The following AKAP7 variants were observed in gnomAD, a reference collection of about 807,000 sequenced individuals.
AKAP7 encodes A-kinase anchoring protein 7.
AKAP7 carries 39 observed loss-of-function variants against 39.5 expected under a neutral mutation model. The ratio of observed to expected loss-of-function variants is 0.99; its 90% CI spans 0.76 to 1.29. The LOEUF (loss-of-function observed/expected upper bound fraction) is 1.29. AKAP7 is among the 50% of genes most tolerant of loss of function. The probability of loss-of-function intolerance (pLI) is 0.00; values close to 1 mark genes in which losing one functional copy is unlikely to be tolerated. For synonymous variants in AKAP7, 140 were observed against 139.1 expected, an observed-to-expected ratio of 1.01 and a Z score of -0.05; for missense variants, 414 against 407.7, an observed-to-expected ratio of 1.02 and a Z score of -0.13.
intron 7 of AKAP7, among the ~76,000 whole-genome samples, chr6:131,265,178 A>G (rs1050659814): frequency 6.6e-6 from 1 of 152,188 alleles, no homozygotes; most frequent in Non-Finnish European, 1.5e-5. Context: ...TCTGTTGCCC[A>G]GGATGGGGTG....
At chr6:131,151,381 G>GT (rs111997888) in intron 2 of AKAP7, among the ~76,000 whole-genome samples, 11,139 of 143,608 alleles carry the variant, frequency 0.078, 707 homozygotes, top group African/African-American at 0.18. Context: ...AGAAGGTAAG[G>GT]TTTTTTTTTT....
At chr6:131,261,181 C>T (rs1004370247) in intron 7 of AKAP7, among the ~76,000 whole-genome samples, 1 of 146,746 alleles carries the variant, frequency 6.8e-6, no homozygotes, top group Non-Finnish European at 1.5e-5. Context: ...CGAATGCAGC[C>T]TGGGCAACAA....
At chr6:131,261,398 A>G (rs1039555879) in intron 7 of AKAP7, among the ~76,000 whole-genome samples, 1 of 152,160 alleles carries the variant, frequency 6.6e-6, no homozygotes, top group African/African-American at 2.4e-5. Flanking sequence ...TAGAGATAAT[A>G]AACTAAGGTG....
intron 1 of AKAP7, chr6:131,137,286 G>A (rs1003820340): frequency 6.6e-6 from 1 of 151,950 alleles, no homozygotes; most frequent in African/African-American, 2.4e-5. Context: ...AGAGTGATGA[G>A]AGACTTACTT....
At chr6:131,265,421 A>T (rs1014068574) in intron 7 of AKAP7, among the ~76,000 whole-genome samples, 1 of 152,090 alleles carries the variant, frequency 6.6e-6, no homozygotes, top group African/African-American at 2.4e-5. Context: ...AGGCAGCTTT[A>T]TATGATTTTC....
intron 2 of AKAP7, among the ~76,000 whole-genome samples, chr6:131,153,374 T>C (rs1231344464): frequency 1.3e-5 from 2 of 152,192 alleles, no homozygotes; most frequent in East Asian, 3.8e-4. Context: ...AAATAGTTAT[T>C]GGTAAAATTA....
At chr6:131,257,018 TCA>T (rs1344065249) in intron 7 of AKAP7, among the ~76,000 whole-genome samples, 1 of 152,160 alleles carries the variant, frequency 6.6e-6, no homozygotes, top group Non-Finnish European at 1.5e-5. Flanking sequence ...ACAAAATGGC[TCA>T]GTTTGCACTT....
At chr6:131,203,918 C>A (rs541132079) in intron 6 of AKAP7, among the ~76,000 whole-genome samples, 1 of 152,198 alleles carries the variant, frequency 6.6e-6, no homozygotes, top group Non-Finnish European at 1.5e-5. Flanking sequence ...AGAACCAATT[C>A]TTTGAAGTGG....
rs1477756098 is a variant in AKAP7 at position 131,160,051 on chromosome 6, T to C, written c.152-8T>C. The C allele has an allele frequency of 1.3e-6, 2 of 1,571,706 alleles. No individual in the cohort carries two copies. Among genetic ancestry groups the C allele is most frequent in the East Asian group, 4.5e-5 (2 of 44,318 alleles). Reference sequence around the variant, plus strand: ...TATTAGACGTATTGTTTGACTTTTTTCCTCTAGTCACTGATGAACCTCAAA... The same window carrying C: ...TATTAGACGTATTGTTTGACTTTTTCCCTCTAGTCACTGATGAACCTCAAA... On this transcript the variant is annotated splice_region_variant and splice_polypyrimidine_tract_variant and intron_variant, in intron 2 of 7. Transcript: ENST00000431975.
chr6:131,235,792 A>G (rs1026766163), intron 7 of AKAP7, among the ~76,000 whole-genome samples: 17 of 152,148 alleles, frequency 1.1e-4, no homozygotes, highest in Admixed American at 7.2e-4. Flanking sequence ...TGAGTTCATT[A>G]TAGATTCTGG....
At chr6:131,133,818 C>G (rs939751799), upstream of AKAP7, among the ~76,000 whole-genome samples, 7 of 152,190 alleles carry the variant, frequency 4.6e-5, no homozygotes, top group Non-Finnish European at 1.0e-4. Flanking sequence ...GCTTCTATAC[C>G]ATTTTAACGA....
At chr6:131,241,889 G>A (rs1585160037) in intron 7 of AKAP7, among the ~76,000 whole-genome samples, 1 of 152,178 alleles carries the variant, frequency 6.6e-6, no homozygotes, top group East Asian at 1.9e-4. Context: ...AACATCAGTA[G>A]CCTAAAAATG....
At chr6:131,247,587 T>G (rs1399205417) in intron 7 of AKAP7, among the ~76,000 whole-genome samples, 1 of 151,994 alleles carries the variant, frequency 6.6e-6, no homozygotes, top group South Asian at 2.1e-4. Flanking sequence ...CCTGAAGTGC[T>G]GGGATTACAG....
intron 7 of AKAP7, among the ~76,000 whole-genome samples, chr6:131,241,152 C>G (rs1811520395): frequency 6.6e-6 from 1 of 152,144 alleles, no homozygotes; most frequent in Admixed American, 6.5e-5. Flanking sequence ...AGAAAAGACA[C>G]TCTGCTGGTA....
intron 1 of AKAP7, among the ~76,000 whole-genome samples, chr6:131,139,266 C>CT (rs959573862): frequency 5.9e-5 from 9 of 151,770 alleles, no homozygotes; most frequent in Non-Finnish European, 7.4e-5. Context: ...AGTGGCACTC[C>CT]TTTTTTTTGA....
At chr6:131,169,295 A>G (rs1223947752) in intron 5 of AKAP7, 22 bp downstream of exon 5, 4 of 1,610,036 alleles carry the variant, frequency 2.5e-6, no homozygotes, top group Middle Eastern at 3.3e-4. Context: ...ACACACTCAT[A>G]TGAAATCTTG....
rs915429300 is a variant in AKAP7, at chr6:131,184,313, G to GA, written c.589+15040_589+15041insA. ...AGCCTTAGATATGTCGGGGAGCAGG[G>GA]GGGTGGCTATATCAAGAGGAGTTCT... On this transcript the variant is annotated intron_variant, in intron 5 of 7. Transcript: ENST00000431975. The GA allele has an allele frequency of 1.0e-3, 620 of 614,260 alleles. 1 individual carries two copies. Among genetic ancestry groups the GA allele is most frequent in the Non-Finnish European group, 1.2e-3 (369 of 316,010 alleles). The allele number at this position is 614,260 out of a possible 1,614,324, so 38.1% of individuals were successfully genotyped here.
chr6:131,158,617 G>C (rs763942162), intron 2 of AKAP7, among the ~76,000 whole-genome samples: 1 of 151,788 alleles, frequency 6.6e-6, no homozygotes, highest in Admixed American at 6.6e-5. Flanking sequence ...AAGCGATTTT[G>C]TGCCTCATCC....
rs1295125945 is a variant in AKAP7 at position 131,237,560 on chromosome 6, A to G, written c.850+17752A>G. The stretch of plus-strand genomic sequence containing the variant: ...CTGGACTTTTTTTGGTTGGTAAGCT[A>G]TTAATTATTGCCTCAATTTCAGAGC... On this transcript the variant is annotated intron_variant, in intron 7 of 7. Coordinates refer to ENST00000431975, the MANE Select transcript of AKAP7 (RefSeq NM_016377.4). Among the ~76,000 whole-genome samples, 5 of 152,114 alleles carry G rather than the reference A, an allele frequency of 3.3e-5. No individual in the cohort carries two copies. The East Asian group carries it at 7.7e-4, about 23-fold the overall frequency.
Sources: allele counts gnomAD v4.1 joint callset (sites outside exome capture counted in the v4.1 genomes callset), GRCh38; gene constraint gnomAD v4.1.1; transcripts MANE v1.5; gene names NCBI Gene and HGNC (gene_info 2026-07-23, HGNC 2026-07-21).